The following C9orf43 variants were observed in gnomAD, a reference collection of about 807,000 sequenced individuals.
C9orf43 encodes chromosome 9 open reading frame 43.
C9orf43 carries 45 observed loss-of-function variants against 59.1 expected under a neutral mutation model. The ratio of observed to expected loss-of-function variants is 0.76; its 90% CI spans 0.60 to 0.98. C9orf43 has a LOEUF of 0.98. C9orf43 is among the 50% of genes least tolerant of loss of function. The pLI, the probability that C9orf43 is intolerant of heterozygous loss-of-function variation, is 0.00. For missense variants in C9orf43, 533 were observed against 554.9 expected, an observed-to-expected ratio of 0.96 and a Z score of 0.40; for synonymous variants, 203 against 196.8, an observed-to-expected ratio of 1.03 and a Z score of -0.26.
At chr9:113,411,169 CTGTA>C (rs778624869) in intron 1 of C9orf43, 168 bp downstream of exon 1, 221 of 928,692 alleles carry the variant, frequency 2.4e-4, no homozygotes, top group Non-Finnish European at 2.7e-4. Flanking sequence ...AGCCTTTTCA[CTGTA>C]TGAAGAATGC....
At chr9:113,425,883 C>A (rs1041417198) in intron 11 of C9orf43, among the ~76,000 whole-genome samples, 153 bp downstream of exon 11, 1 of 152,208 alleles carries the variant, frequency 6.6e-6, no homozygotes, top group African/African-American at 2.4e-5. Flanking sequence ...TCTGGTCTCT[C>A]ATGCACCATC....
chr9:113,429,354 G>C lies in C9orf43; in HGVS notation c.1354G>C (p.Asp452His). The change falls in exon 14 of 14, where the codon GAT becomes CAT. Residue 452 changes from aspartate to histidine, a missense_variant. Physicochemically the swap from Asp to His is moderately conservative, Grantham distance 81. Transcript: ENST00000374165. ...LRILQDTDDE[D>H]EEDQSSGAE ...GATTCTTCAGGACACTGATGATGAG[G>C]ATGAGGAGGACCAGTCCTCTGGGGC... 6.2e-7 allele frequency: 1 copy of C among 1,614,216 alleles called. No individual in the cohort carries two copies. The highest frequency in any genetic ancestry group is 1.7e-4 in the Middle Eastern group (1 of 6,048).
intron 4 of C9orf43, among the ~76,000 whole-genome samples, chr9:113,420,448 G>A (rs532686168): frequency 3.2e-4 from 49 of 152,276 alleles, no homozygotes; most frequent in Non-Finnish European, 6.3e-4. Flanking sequence ...AATTCAAAAA[G>A]CATTAAAGGA....
At position 113,421,096 on chromosome 9, in the gene C9orf43, C is replaced by CTCTTAGTTTCCA. The variant is rs1293311233; in HGVS notation, c.346-6_351dup. ...AGCCATACATAGGCTTTATATCTTT[C>CTCTTAGTTTCCA]TCTTAGTTTCCAGTGTTGAATTTGA... On this transcript the variant is annotated splice_polypyrimidine_tract_variant and splice_region_variant and intron_variant, in intron 4 of 13. Transcript: ENST00000374165. 1.9e-6 allele frequency: 3 copies of CTCTTAGTTTCCA among 1,608,572 alleles called. No individual in the cohort carries two copies. In the Admixed American group the frequency reaches 5.0e-5, roughly 27 times the overall value.
intron 13 of C9orf43, 90 bp downstream of exon 13, chr9:113,429,053 GGCACAGTTCC>G: frequency 6.8e-7 from 1 of 1,480,942 alleles, no homozygotes; most frequent in South Asian, 1.1e-5. Flanking sequence ...CCTCCCTGAA[GGCACAGTTCC>G]TCTATCTCAG....
chr9:113,416,723 A>G (rs1243693538), intron 3 of C9orf43, among the ~76,000 whole-genome samples: 2 of 151,296 alleles, frequency 1.3e-5, no homozygotes, highest in African/African-American at 4.9e-5. Flanking sequence ...TTAAAACACT[A>G]TTGACATTTT....
Position 113,421,199 on chromosome 9 carries a change from G to T in C9orf43, c.442G>T (p.Val148Leu). 6.3e-7 allele frequency: 1 copy of T among 1,598,934 alleles called. No homozygotes were observed. Residue 148 changes from valine to leucine, a missense_variant, in exon 5 of 14, where the codon GTG (valine) becomes TTG (leucine). By Grantham distance (32) the Val-to-Leu change is conservative. Coordinates refer to ENST00000374165, the MANE Select transcript of C9orf43 (RefSeq NM_001278629.2). ...LWIPEETEIH[V>L]SQHGKKKRKN... ...GATCCCAGAAGAAACAGAGATACAT[G>T]TGAGGTGAGTATCATATCTGGAACT...
chr9:113,425,408 T>C lies in C9orf43; in HGVS notation c.930T>C (p.Pro310=). 7 of 1,613,842 alleles carry C rather than the reference T, an allele frequency of 4.3e-6. No individual in the cohort carries two copies. Among genetic ancestry groups the C allele is most frequent in the Non-Finnish European group, 5.1e-6 (6 of 1,179,880 alleles). The change falls in exon 10 of 14, where the codon CCT becomes CCC. Residue 310 remains proline (P), a synonymous_variant. Transcript: ENST00000374165. ...QQQQQKKVKT[P]IKKQEAKKKA... is the part of the protein sequence containing the mutation. ...AGCAACAGAAGAAGGTGAAAACACCTATTAAGAAACAGGTAGAGTGGCAGT... is the reference window on the plus strand; with the variant it reads ...AGCAACAGAAGAAGGTGAAAACACCCATTAAGAAACAGGTAGAGTGGCAGT...
intron 8 of C9orf43, 125 bp downstream of exon 8, chr9:113,424,441 C>A (rs754194807): frequency 4.9e-6 from 5 of 1,014,046 alleles, no homozygotes; most frequent in Non-Finnish European, 7.2e-6. Flanking sequence ...GAACCCATGC[C>A]CCAGAGAAGG....
chr9:113,413,881 A>G lies in C9orf43; in HGVS notation c.274A>G (p.Lys92Glu). Residue 92 changes from lysine to glutamate, a missense_variant, in exon 3 of 14, where the codon AAA (lysine) becomes GAA (glutamate). Transcript: ENST00000374165. The stretch of plus-strand genomic sequence containing the variant: ...GTCTCAGAGTTCAAAGTTTTACTCC[A>G]AATTTCATGGCAGGTAAATTATCAT... ...LLSQSSKFYS[K>E]FHGRPPKGLP... is the part of the protein sequence containing the mutation. The G allele has an allele frequency of 6.2e-7, 1 of 1,609,134 alleles. No individual in the cohort carries two copies. The highest frequency in any genetic ancestry group is 8.5e-7 in the Non-Finnish European group (1 of 1,178,756).
At chr9:113,417,085 G>A (rs112998569) in intron 3 of C9orf43, among the ~76,000 whole-genome samples, 6,087 of 152,114 alleles carry the variant, frequency 0.04, 163 homozygotes, top group South Asian at 0.1. Flanking sequence ...TTTGTTTGCC[G>A]CCTCTCATGA....
chr9:113,423,965 A>T (rs533094346), intron 7 of C9orf43, among the ~76,000 whole-genome samples: 30 of 152,328 alleles, frequency 2.0e-4, no homozygotes, highest in African/African-American at 6.5e-4. Flanking sequence ...CATGAGCCTG[A>T]CATAGAATCA....
chr9:113,421,341 T>A (rs1828563832), intron 5 of C9orf43, 138 bp downstream of exon 5: 2 of 625,200 alleles, frequency 3.2e-6, no homozygotes, highest in South Asian at 4.0e-5. Context: ...TCGTGGTCTG[T>A]TGCATCTGCC....
In C9orf43 at chr9:113,425,372, G is replaced by A. The variant is rs1828749417; in HGVS notation, c.894G>A (p.Gln298=). 1 of 1,613,580 alleles carries A rather than the reference G, an allele frequency of 6.2e-7. No individual in the cohort carries two copies. The highest frequency in any genetic ancestry group is 1.7e-5 in the Admixed American group (1 of 59,990). The change falls in exon 10 of 14, where the codon CAG becomes CAA. Residue 298 remains glutamine (Q), a synonymous_variant. Coordinates refer to ENST00000374165, the MANE Select transcript of C9orf43 (RefSeq NM_001278629.2). ...EGYRKQQQRQ[Q]QQQQQQKKVK... is the part of the protein sequence containing the mutation. ...ACAGGAAACAGCAGCAGCGGCAGCAGCAGCAGCAGCAGCAACAGAAGAAGG... is the reference window on the plus strand; with the variant it reads ...ACAGGAAACAGCAGCAGCGGCAGCAACAGCAGCAGCAGCAACAGAAGAAGG...
intron 12 of C9orf43, among the ~76,000 whole-genome samples, 170 bp from the exon 13 acceptor site, chr9:113,428,730 G>C (rs1398242348): frequency 6.6e-6 from 1 of 152,158 alleles, no homozygotes; most frequent in Non-Finnish European, 1.5e-5. Flanking sequence ...GGTTCATTTG[G>C]ACAGCATGGA....
At position 113,410,771 on chromosome 9, in the gene C9orf43, C is replaced by A; in HGVS notation, c.-280C>A. ...TAGGACCCGAGGCAGGCTCTGGGCC[C>A]GCCGGGTCCGTTAATCTCACCGCGC... On this transcript the variant is annotated 5_prime_UTR_variant, in exon 1 of 14. Coordinates refer to ENST00000374165, the MANE Select transcript of C9orf43 (RefSeq NM_001278629.2). 1 of 216,150 alleles carries A rather than the reference C, an allele frequency of 4.6e-6. No homozygotes were observed. The highest frequency in any genetic ancestry group is 8.4e-6 in the Non-Finnish European group (1 of 119,426). The allele number at this position is 216,150 out of a possible 1,614,324, so 13.4% of individuals were successfully genotyped here. A position where few individuals can be genotyped will look rare whatever the true frequency, so the allele number is the denominator to read the frequency against.
chr9:113,429,144 T>A, intron 13 of C9orf43, 28 bp from the exon 14 acceptor site: 2 of 1,604,386 alleles, frequency 1.2e-6, no homozygotes, highest in Non-Finnish European at 8.5e-7. Context: ...AGTTTACAGG[T>A]GCAATTAATG....
At chr9:113,426,204 C>T (rs920262112) in intron 11 of C9orf43, among the ~76,000 whole-genome samples, 10 of 152,164 alleles carry the variant, frequency 6.6e-5, no homozygotes, top group Admixed American at 3.3e-4. Context: ...TGGAGCCTCA[C>T]GTTAAAATCA....
intron 12 of C9orf43, 80 bp from the exon 13 acceptor site, chr9:113,428,820 A>G: frequency 7.9e-7 from 1 of 1,264,484 alleles, no homozygotes; most frequent in East Asian, 2.3e-5. Flanking sequence ...TAATTTCTCC[A>G]AGAGAAGCAT....
Sources: gnomAD v4.1 joint callset for allele counts (sites outside exome capture counted in the v4.1 genomes callset) on GRCh38, gnomAD v4.1.1 for gene constraint, MANE v1.5 for transcripts, NCBI Gene and HGNC (gene_info 2026-07-23, HGNC 2026-07-21) for gene names.